PCDH11Y: variants seen among roughly 807,000 people sequenced by gnomAD.
The protein encoded by PCDH11Y is protocadherin 11 Y-linked, also known as protocadherin-11 Y-linked.
For synonymous variants in PCDH11Y, 9 were observed against 83.6 expected (o/e 0.11, Z 4.87); for missense variants, 12 against 224.8 (o/e 0.05, Z 6.05).
intron 2 of PCDH11Y, among the ~76,000 whole-genome samples, chrY:5,170,423 T>C (rs2124645504): frequency 3.2e-5 from 1 of 30,810 alleles, no homozygotes; most frequent in South Asian, 7.3e-4. Context: ...TCTTGCCTGG[T>C]TACATGCTTC....
chrY:5,095,136 T>C, intron 1 of PCDH11Y, among the ~76,000 whole-genome samples: 1 of 33,492 alleles, frequency 3.0e-5, no homozygotes, highest in Non-Finnish European at 7.5e-5. Context: ...TTTTCCCAGA[T>C]GTATTGTATT....
At chrY:5,058,100 G>A in intron 1 of PCDH11Y, among the ~76,000 whole-genome samples, 1 of 33,153 alleles carries the variant, frequency 3.0e-5, no homozygotes, top group Non-Finnish European at 7.5e-5. Flanking sequence ...TTTGAAAACA[G>A]AGTGTTCATT....
rs1602909349 is a variant in PCDH11Y, at chrY:5,351,046, C to T, written c.3130-150011C>T. 2.3e-4 allele frequency among the ~76,000 whole-genome samples: 7 copies of T among 30,987 alleles called. No homozygotes were observed. The East Asian group carries it at 3.5e-3, about 15-fold the overall frequency. The allele number at this position is 30,987 out of a possible 37,273, so 83.1% of individuals were successfully genotyped here. ...GTGTCTACTAAAAATACAAAATTAG[C>T]GGGTGTGGTGGCACATGCCTGTAAT... On this transcript the variant is annotated intron_variant, in intron 2 of 4. Coordinates refer to the PCDH11Y transcript ENST00000400457.
chrY:5,569,963 T>C (rs2053438008), intron 3 of PCDH11Y, among the ~76,000 whole-genome samples: 1 of 32,626 alleles, frequency 3.1e-5, no homozygotes, highest in Non-Finnish European at 7.6e-5. Context: ...TTAGGCAACA[T>C]TTTATCTCTT....
intron 2 of PCDH11Y, among the ~76,000 whole-genome samples, chrY:5,280,218 A>G: frequency 6.2e-5 from 2 of 32,457 alleles, no homozygotes; most frequent in Non-Finnish European, 1.5e-4. Flanking sequence ...TTTGTTGTAC[A>G]GATTATTTCA....
intron 3 of PCDH11Y, among the ~76,000 whole-genome samples, chrY:5,559,857 A>C: frequency 6.0e-5 from 2 of 33,191 alleles, no homozygotes; most frequent in Non-Finnish European, 1.5e-4. Flanking sequence ...TTGATACAGT[A>C]AATTGGTTCC....
At chrY:5,062,619 A>G (rs2052677558) in intron 1 of PCDH11Y, among the ~76,000 whole-genome samples, 1 of 33,089 alleles carries the variant, frequency 3.0e-5, no homozygotes, top group Non-Finnish European at 7.5e-5. Flanking sequence ...GTGTGACACT[A>G]ATAGGATTAA....
At chrY:5,560,930 G>T in intron 3 of PCDH11Y, among the ~76,000 whole-genome samples, 1 of 33,682 alleles carries the variant, frequency 3.0e-5, no homozygotes, top group Non-Finnish European at 7.4e-5. Context: ...AGCTTGCACT[G>T]CATGCCTGGA....
chrY:5,322,097 A>T, intron 2 of PCDH11Y, among the ~76,000 whole-genome samples: 1 of 32,476 alleles, frequency 3.1e-5, no homozygotes. Context: ...TGCATCTCTA[A>T]TGATGGTGTA....
chrY:5,688,089 C>T, intron 4 of PCDH11Y, among the ~76,000 whole-genome samples: 1 of 33,123 alleles, frequency 3.0e-5, no homozygotes, highest in Non-Finnish European at 7.4e-5. Context: ...GTAAAATTTA[C>T]GTAGTTGTTT....
intron 4 of PCDH11Y, among the ~76,000 whole-genome samples, chrY:5,726,649 C>T: frequency 3.0e-5 from 1 of 33,100 alleles, no homozygotes; most frequent in Non-Finnish European, 7.5e-5. Flanking sequence ...AATTACATCT[C>T]ACGAAAATTG....
intron 4 of PCDH11Y, among the ~76,000 whole-genome samples, chrY:5,583,800 T>C: frequency 4.5e-5 from 1 of 22,418 alleles, no homozygotes; most frequent in Non-Finnish European, 1.0e-4. Flanking sequence ...ATTACTAAAT[T>C]TGTTTATCAG....
chrY:5,490,011 AAG>A (rs2053337141), intron 2 of PCDH11Y, among the ~76,000 whole-genome samples: 1 of 32,808 alleles, frequency 3.0e-5, no homozygotes, highest in Admixed American at 2.8e-4. Context: ...ATGCCAAAAA[AAG>A]AGTCTATTAT....
intron 4 of PCDH11Y, among the ~76,000 whole-genome samples, chrY:5,701,424 G>A: frequency 3.0e-5 from 1 of 33,003 alleles, no homozygotes; most frequent in African/African-American, 1.2e-4. Flanking sequence ...CTGTGTCCCG[G>A]CTGCTCTAGC....
chrY:5,284,358 A>T, intron 2 of PCDH11Y, among the ~76,000 whole-genome samples: 1 of 32,392 alleles, frequency 3.1e-5, no homozygotes, highest in Non-Finnish European at 7.6e-5. Flanking sequence ...CCTGTAATTT[A>T]GACCTCCTTA....
chrY:5,725,325 T>A, intron 4 of PCDH11Y, among the ~76,000 whole-genome samples: 1 of 32,289 alleles, frequency 3.1e-5, no homozygotes, highest in Admixed American at 2.8e-4. Flanking sequence ...AGAACTAGAT[T>A]AGCCAAAATA....
chrY:5,650,443 A>C, intron 4 of PCDH11Y, among the ~76,000 whole-genome samples: 1 of 33,225 alleles, frequency 3.0e-5, no homozygotes. Flanking sequence ...GTGTACCAAG[A>C]ACAAAGGGTA....
intron 4 of PCDH11Y, among the ~76,000 whole-genome samples, chrY:5,708,087 A>G: frequency 3.0e-5 from 1 of 33,208 alleles, no homozygotes; most frequent in Non-Finnish European, 7.4e-5. Context: ...AACAGGAAAA[A>G]AAACAAAACA....
chrY:5,635,135 C>G, intron 4 of PCDH11Y, among the ~76,000 whole-genome samples: 1 of 33,155 alleles, frequency 3.0e-5, no homozygotes, highest in Non-Finnish European at 7.4e-5. Flanking sequence ...AAATGTTATA[C>G]TGCTCATGAT....
Sources: gnomAD v4.1 joint callset for allele counts (sites outside exome capture counted in the v4.1 genomes callset) on GRCh38, gnomAD v4.1.1 for gene constraint, MANE v1.5 for transcripts, NCBI Gene and HGNC (gene_info 2026-07-23, HGNC 2026-07-21) for gene names.